KDM1A: variants seen among roughly 807,000 people sequenced by gnomAD.
KDM1A encodes the protein lysine demethylase 1A, also known as lysine-specific histone demethylase 1A.
In KDM1A, 49 loss-of-function variants were observed where a neutral mutation model predicts 109.4. That is an observed-to-expected ratio of 0.45 (90% CI 0.36 to 0.57). The LOEUF (loss-of-function observed/expected upper bound fraction) is 0.57, where lower values mean the gene tolerates loss of function less well. KDM1A is among the 20% of genes least tolerant of loss of function. The pLI is 0.00. For missense variants in KDM1A, 668 were observed against 1,116.6 expected, an observed-to-expected ratio of 0.60 and a Z score of 5.73; for synonymous variants, 380 against 415.4, an observed-to-expected ratio of 0.91 and a Z score of 1.04.
At chr1:23,080,069 A>C (rs1643573778) in intron 18 of KDM1A, among the ~76,000 whole-genome samples, 1 of 152,146 alleles carries the variant, frequency 6.6e-6, no homozygotes, top group Admixed American at 6.5e-5. Flanking sequence ...CCTCCTGTTC[A>C]GTTATTTTCT....
chr1:23,049,152 C>CA (rs5773034), intron 3 of KDM1A, among the ~76,000 whole-genome samples: 51,233 of 75,270 alleles, frequency 0.68, 17,507 homozygotes, highest in Middle Eastern at 0.77. Flanking sequence ...GACTCCCTCT[C>CA]AAAAAAAAAA....
chr1:23,051,479 G>T (rs879385090), intron 4 of KDM1A, among the ~76,000 whole-genome samples: 4 of 152,072 alleles, frequency 2.6e-5, no homozygotes, highest in Non-Finnish European at 5.9e-5. Flanking sequence ...GCATTGCCCT[G>T]CCCATTTTTA....
chr1:23,019,890 A>C lies in KDM1A; in HGVS notation c.294A>C (p.Glu98Asp). Reference protein sequence around the residue: ...TVVPGSATPMETGIAETPEGR... With the variant: ...TVVPGSATPMDTGIAETPEGR... The stretch of plus-strand genomic sequence containing the variant: ...TGCCTGGGTCTGCGACCCCCATGGA[A>C]ACTGGAATAGCAGAGACTCCGGAGG... Residue 98 changes from glutamate (E) to aspartate (D), a missense_variant, in exon 1 of 21, where the codon GAA (glutamate) becomes GAC (aspartate). Physicochemically the swap from Glu to Asp is conservative, Grantham distance 45. Coordinates refer to ENST00000400181, the MANE Select transcript of KDM1A (RefSeq NM_001009999.3). 1 of 1,568,424 alleles carries C rather than the reference A, an allele frequency of 6.4e-7. No homozygotes were observed. Among genetic ancestry groups the C allele is most frequent in the Non-Finnish European group, 8.6e-7 (1 of 1,160,132 alleles).
chr1:23,054,147 C>CA (rs1419006349), intron 5 of KDM1A, among the ~76,000 whole-genome samples: 1 of 152,166 alleles, frequency 6.6e-6, no homozygotes, highest in Admixed American at 6.5e-5. Context: ...TTTCTTATTT[C>CA]AGACTTGGCA....
chr1:23,026,810 A>G (rs770667137), intron 1 of KDM1A, among the ~76,000 whole-genome samples: 1 of 152,210 alleles, frequency 6.6e-6, no homozygotes, highest in Non-Finnish European at 1.5e-5. Context: ...ATGTGAAAGT[A>G]AGAATAATTA....
At chr1:23,057,800 CTTTTTTT>C in intron 8 of KDM1A, 3 of 127,226 alleles carry the variant, frequency 2.4e-5, no homozygotes, top group South Asian at 2.5e-4. Context: ...GTGTTTGAAG[CTTTTTTT>C]TTTTTTTTTT....
intron 2 of KDM1A, among the ~76,000 whole-genome samples, chr1:23,042,030 G>A (rs1398659851): frequency 6.6e-6 from 1 of 152,026 alleles, no homozygotes; most frequent in Non-Finnish European, 1.5e-5. Context: ...AGAGCTACCT[G>A]TAGCTTAAAT....
Position 23,030,442 on chromosome 1 carries a change from G to C in KDM1A, c.352-27G>C. On this transcript the variant is annotated intron_variant, in intron 1 of 20. Coordinates refer to ENST00000400181, the MANE Select transcript of KDM1A (RefSeq NM_001009999.3). ...TAATTTTAAATGTTCACTGCATTTA[G>C]CTTTCCCTGGTATGATCTCCATATA... The C allele has an allele frequency of 2.0e-6, 3 of 1,464,016 alleles. No individual in the cohort carries two copies. The East Asian group carries it at 7.4e-5, about 36-fold the overall frequency. 90.7% of individuals were successfully genotyped at this position (1,464,016 alleles called of 1,614,324 possible). A position where few individuals can be genotyped will look rare whatever the true frequency, so the allele number is the denominator to read the frequency against.
chr1:23,032,091 T>C (rs1642001277), intron 2 of KDM1A, among the ~76,000 whole-genome samples: 1 of 151,402 alleles, frequency 6.6e-6, no homozygotes, highest in Non-Finnish European at 1.5e-5. Context: ...TTCTTACCTT[T>C]CTTCTACCTT....
intron 3 of KDM1A, among the ~76,000 whole-genome samples, chr1:23,046,469 A>T (rs1258022675): frequency 6.6e-6 from 1 of 152,192 alleles, no homozygotes; most frequent in Non-Finnish European, 1.5e-5. Flanking sequence ...TCTACTTGAT[A>T]TAAAAAATTA....
At chr1:23,031,084 G>A (rs931705624) in intron 2 of KDM1A, among the ~76,000 whole-genome samples, 4 of 150,516 alleles carry the variant, frequency 2.7e-5, no homozygotes, top group African/African-American at 9.8e-5. Context: ...TCCACGGTGT[G>A]GATCGGTTTT....
Position 23,019,531 on chromosome 1 carries a change from CT to C in KDM1A, c.-62del. On this transcript the variant is annotated 5_prime_UTR_variant, in exon 1 of 21. Coordinates refer to ENST00000400181, the MANE Select transcript of KDM1A (RefSeq NM_001009999.3). The stretch of plus-strand genomic sequence containing the variant: ...CAGCGTGAAGCGAGGCGAGGCAAGG[CT>C]TTTCGGACCCACGGAGCGACAGAGC... 1.5e-6 allele frequency: 2 copies of C among 1,334,482 alleles called. No homozygotes were observed. The highest frequency in any genetic ancestry group is 2.2e-5 in the South Asian group (1 of 45,958). 82.7% of individuals were successfully genotyped at this position (1,334,482 alleles called of 1,614,324 possible). A position where few individuals can be genotyped will look rare whatever the true frequency, so the allele number is the denominator to read the frequency against.
At chr1:23,065,525 C>T (rs1220104641) in intron 9 of KDM1A, among the ~76,000 whole-genome samples, 1 of 152,070 alleles carries the variant, frequency 6.6e-6, no homozygotes, top group Non-Finnish European at 1.5e-5. Context: ...CAAAGCTATC[C>T]CTGGCTGCAC....
Position 23,057,800 on chromosome 1 carries a change from C to CTTTT in KDM1A, c.1072+251_1072+254dup, listed in dbSNP as rs10685820. 5.1e-3 allele frequency: 645 copies of CTTTT among 127,518 alleles called. 7 individuals are homozygous for CTTTT. Among genetic ancestry groups the CTTTT allele is most frequent in the Middle Eastern group, 0.011 (2 of 186 alleles). 7.9% of individuals were successfully genotyped at this position (127,518 alleles called of 1,614,324 possible). A position where few individuals can be genotyped will look rare whatever the true frequency, so the allele number is the denominator to read the frequency against. ...TAAGTAGATAATGTTGTGTTTGAAGCTTTTTTTTTTTTTTTTTTTGTGAGA... is the reference window on the plus strand; with the variant it reads ...TAAGTAGATAATGTTGTGTTTGAAGCTTTTTTTTTTTTTTTTTTTTTTTGTGAGA... On this transcript the variant is annotated intron_variant, in intron 8 of 20. Coordinates refer to ENST00000400181, the MANE Select transcript of KDM1A (RefSeq NM_001009999.3).
At chr1:23,029,661 A>G (rs1641916661) in intron 1 of KDM1A, among the ~76,000 whole-genome samples, 1 of 151,784 alleles carries the variant, frequency 6.6e-6, no homozygotes, top group Admixed American at 6.6e-5. Context: ...TTTTTTTGAG[A>G]TGGAGTCTCA....
rs369686501 is a variant in KDM1A, at chr1:23,020,008, C to T, written c.351+61C>T. 2.9e-5 allele frequency: 40 copies of T among 1,388,550 alleles called. No homozygotes were observed. The African/African-American group carries it at 4.3e-4, about 15-fold the overall frequency. The allele number at this position is 1,388,550 out of a possible 1,614,324, so 86.0% of individuals were successfully genotyped here. Reference sequence around the variant, plus strand: ...GGTGCCGAGCTTCCCCGAGGCTTCTCCGCCCTCCCCCGCCGCCGCCGGGTC... The same window carrying T: ...GGTGCCGAGCTTCCCCGAGGCTTCTTCGCCCTCCCCCGCCGCCGCCGGGTC... On this transcript the variant is annotated intron_variant, in intron 1 of 20. Coordinates refer to ENST00000400181, the MANE Select transcript of KDM1A (RefSeq NM_001009999.3).
At chr1:23,029,358 CATA>C (rs1641906657) in intron 1 of KDM1A, among the ~76,000 whole-genome samples, 1 of 151,936 alleles carries the variant, frequency 6.6e-6, no homozygotes, top group South Asian at 2.1e-4. Flanking sequence ...TAATTGATTC[CATA>C]ATAATTAGCT....
chr1:23,044,570 T>G, intron 3 of KDM1A, 84 bp downstream of exon 3: 1 of 1,208,148 alleles, frequency 8.3e-7, no homozygotes, highest in Non-Finnish European at 1.2e-6. Flanking sequence ...TTGGCTGTGG[T>G]ATCCACATTT....
chr1:23,059,527 T>C (rs1345897689), intron 9 of KDM1A, among the ~76,000 whole-genome samples: 1 of 152,220 alleles, frequency 6.6e-6, no homozygotes, highest in African/African-American at 2.4e-5. Flanking sequence ...CATCACGTGC[T>C]TTAGCTCCAT....
Sources: gnomAD v4.1 joint callset for allele counts (sites outside exome capture counted in the v4.1 genomes callset) on GRCh38, gnomAD v4.1.1 for gene constraint, MANE v1.5 for transcripts, NCBI Gene and HGNC (gene_info 2026-07-23, HGNC 2026-07-21) for gene names.